ZMIZ1: variants seen among roughly 807,000 people sequenced by gnomAD.
ZMIZ1 encodes the protein zinc finger MIZ-type containing 1.
In ZMIZ1, 17 loss-of-function variants were observed where a neutral mutation model predicts 113.9. The observed-to-expected ratio is 0.15, with a 90% CI of 0.10 to 0.22. ZMIZ1 has a LOEUF of 0.22. Among genes scored for constraint, ZMIZ1 ranks in the 10% least tolerant of loss-of-function variants. ZMIZ1 has a pLI of 1.00. For synonymous variants in ZMIZ1, 607 were observed against 603.1 expected, an observed-to-expected ratio of 1.01 and a Z score of -0.09; for missense variants, 1,059 against 1,477.8, an observed-to-expected ratio of 0.72 and a Z score of 4.65.
At chr10:79,191,617 A>G (rs1847607662) in intron 4 of ZMIZ1, among the ~76,000 whole-genome samples, 1 of 151,782 alleles carries the variant, frequency 6.6e-6, no homozygotes, top group South Asian at 2.1e-4. Context: ...CATCCTCAGC[A>G]CTCCACAGCA....
At chr10:79,204,983 G>GGATT (rs545764617) in intron 5 of ZMIZ1, among the ~76,000 whole-genome samples, 122 of 152,160 alleles carry the variant, frequency 8.0e-4, no homozygotes, top group African/African-American at 2.7e-3. Context: ...ATGGATGGAT[G>GGATT]GATGGATGGA....
chr10:79,294,803 C>T (rs1564592255), intron 12 of ZMIZ1: 1 of 152,288 alleles, frequency 6.6e-6, no homozygotes. Context: ...TGGCCTTCAC[C>T]TTGGGTTCAC....
At chr10:79,175,591 T>C (rs958728002) in intron 4 of ZMIZ1, among the ~76,000 whole-genome samples, 8 of 102,242 alleles carry the variant, frequency 7.8e-5, no homozygotes, top group Non-Finnish European at 1.2e-4. Flanking sequence ...TGCGTGTGTG[T>C]GTGTGTGTGT....
chr10:79,253,795 A>G (rs1850700549), intron 7 of ZMIZ1, among the ~76,000 whole-genome samples: 1 of 152,194 alleles, frequency 6.6e-6, no homozygotes, highest in South Asian at 2.1e-4. Flanking sequence ...CTGTGACCCC[A>G]AAGATATCCA....
At chr10:79,291,362 C>A (rs1457200842) in intron 10 of ZMIZ1, among the ~76,000 whole-genome samples, 186 bp downstream of exon 10, 1 of 152,258 alleles carries the variant, frequency 6.6e-6, no homozygotes, top group Non-Finnish European at 1.5e-5. Context: ...TAAGGCGCTG[C>A]AGCAGTTGGC....
At chr10:79,105,202 CG>C (rs1438548168) in intron 1 of ZMIZ1, among the ~76,000 whole-genome samples, 1 of 152,162 alleles carries the variant, frequency 6.6e-6, no homozygotes, top group African/African-American at 2.4e-5. Context: ...CTGTTAACCT[CG>C]GGTGTAAAAA....
intron 3 of ZMIZ1, among the ~76,000 whole-genome samples, chr10:79,144,855 G>T (rs1257972475): frequency 6.6e-6 from 1 of 151,738 alleles, no homozygotes; most frequent in Non-Finnish European, 1.5e-5. Context: ...CGGTGGGCGG[G>T]CTTGCTTTCC....
At position 79,118,621 on chromosome 10, in the gene ZMIZ1, G is replaced by A. The variant is rs186874872; in HGVS notation, c.-336-294G>A. 2.6e-4 allele frequency among the ~76,000 whole-genome samples: 40 copies of A among 152,358 alleles called. No individual in the cohort carries two copies. The East Asian group carries it at 7.1e-3, about 27-fold the overall frequency. On this transcript the variant is annotated intron_variant, in intron 1 of 24. Coordinates refer to ENST00000334512, the MANE Select transcript of ZMIZ1 (RefSeq NM_020338.4). This position sits in a 1 kb window ranked among gnomAD's most constrained non-coding sequence, Gnocchi z 4.1. Reference sequence around the variant, plus strand: ...CCGGAGCCAGGGGCTCTGGGAGGCCGGGCTGACTGGAGCCTAGTGGTGGGC... The same window carrying A: ...CCGGAGCCAGGGGCTCTGGGAGGCCAGGCTGACTGGAGCCTAGTGGTGGGC...
At position 79,304,080 on chromosome 10, in the gene ZMIZ1, G is replaced by A; in HGVS notation, c.2191G>A (p.Val731Met). 1 of 1,614,234 alleles carries A rather than the reference G, an allele frequency of 6.2e-7. No individual in the cohort carries two copies. The highest frequency in any genetic ancestry group is 8.5e-7 in the Non-Finnish European group (1 of 1,180,050). The change falls in exon 19 of 25, where the codon GTG (valine) becomes ATG (methionine). Residue 731 changes from valine (V) to methionine (M), a missense_variant. Transcript: ENST00000334512. ...CACGACCCTCAACGGGGAGGATGGGGTGGAGCAGACGGCCATCAAGGTGTC... is the reference window on the plus strand; with the variant it reads ...CACGACCCTCAACGGGGAGGATGGGATGGAGCAGACGGCCATCAAGGTGTC... ...GNTTLNGEDG[V>M]EQTAIKVSLK...
intron 1 of ZMIZ1, among the ~76,000 whole-genome samples, chr10:79,106,790 G>A (rs1487475552): frequency 6.6e-6 from 1 of 152,236 alleles, no homozygotes; most frequent in African/African-American, 2.4e-5. Flanking sequence ...AAATGGGACT[G>A]GAGAGGTGGT....
intron 1 of ZMIZ1, among the ~76,000 whole-genome samples, chr10:79,073,150 G>C (rs747234306): frequency 2.5e-4 from 38 of 152,188 alleles, no homozygotes; most frequent in South Asian, 8.3e-4. Context: ...CTTGCTATCT[G>C]TGTTGGGCCA....
intron 1 of ZMIZ1, among the ~76,000 whole-genome samples, chr10:79,078,694 G>A (rs528603057): frequency 8.7e-4 from 124 of 143,078 alleles, no homozygotes; most frequent in African/African-American, 3.2e-3. Context: ...ACAGGCATGC[G>A]CACCCATGCC....
intron 3 of ZMIZ1, among the ~76,000 whole-genome samples, chr10:79,158,860 GC>G (rs1376763748): frequency 1.4e-4 from 21 of 152,238 alleles, no homozygotes. Flanking sequence ...ACCTCTGGCA[GC>G]CCCATCCTTC....
chr10:79,085,188 A>G (rs1842769257), intron 1 of ZMIZ1, among the ~76,000 whole-genome samples: 1 of 152,044 alleles, frequency 6.6e-6, no homozygotes, highest in Non-Finnish European at 1.5e-5. Flanking sequence ...TCTCCACTTC[A>G]TTGCTCAGAA....
At chr10:79,155,674 C>T (rs1199076159) in intron 3 of ZMIZ1, among the ~76,000 whole-genome samples, 2 of 152,232 alleles carry the variant, frequency 1.3e-5, no homozygotes, top group African/African-American at 4.8e-5. Flanking sequence ...CCTGAGAGCA[C>T]AGTAGATCAG....
intron 2 of ZMIZ1, among the ~76,000 whole-genome samples, chr10:79,125,696 G>A (rs1032992150): frequency 6.6e-6 from 1 of 152,192 alleles, no homozygotes; most frequent in Non-Finnish European, 1.5e-5. Context: ...ACTGGGTGGG[G>A]CCACAAGCGT....
chr10:79,279,046 GC>G (rs1251079442), intron 8 of ZMIZ1, among the ~76,000 whole-genome samples: 22 of 150,966 alleles, frequency 1.5e-4, no homozygotes, highest in African/African-American at 5.3e-4. Context: ...CCCAGACGGG[GC>G]GGCGGCCGGG....
intron 8 of ZMIZ1, among the ~76,000 whole-genome samples, chr10:79,285,098 C>T (rs1839842406): frequency 1.3e-5 from 2 of 152,150 alleles, no homozygotes; most frequent in Non-Finnish European, 1.5e-5. Flanking sequence ...GAGAGGGGAG[C>T]GTTGCCTTGC....
At chr10:79,099,109 G>A (rs964416984) in intron 1 of ZMIZ1, among the ~76,000 whole-genome samples, 17 of 152,078 alleles carry the variant, frequency 1.1e-4, no homozygotes, top group Non-Finnish European at 1.9e-4. Flanking sequence ...CCCCCTCCTC[G>A]ACACCCACCC....
Sources: allele counts gnomAD v4.1 joint callset (sites outside exome capture counted in the v4.1 genomes callset), GRCh38; gene constraint gnomAD v4.1.1; non-coding constraint Gnocchi (gnomAD v3.1); transcripts MANE v1.5; gene names NCBI Gene and HGNC (gene_info 2026-07-23, HGNC 2026-07-21).